Variants in NALF1 observed in about 807,000 individuals in gnomAD.
NALF1 encodes family with sequence similarity 155 member A.
A neutral mutation model predicts 48.4 loss-of-function variants in NALF1; 3 were observed. The ratio of observed to expected loss-of-function variants is 0.06; its 90% confidence interval spans 0.03 to 0.16. NALF1 has a LOEUF of 0.16. Among genes scored for constraint, NALF1 ranks in the 10% least tolerant of loss-of-function variants. The pLI is 1.00. For missense variants in NALF1, 526 were observed against 571.5 expected (o/e 0.92, Z 0.81); for synonymous variants, 262 against 245.7 (o/e 1.07, Z -0.62).
chr13:107,668,504 A>G (rs1396702897), intron 1 of NALF1, among the ~76,000 whole-genome samples: 2 of 152,036 alleles, frequency 1.3e-5, no homozygotes, highest in Non-Finnish European at 2.9e-5. Flanking sequence ...TGCAAGCAGA[A>G]GCTAGTTGGT....
chr13:107,720,651 A>C (rs1368002579), intron 1 of NALF1, among the ~76,000 whole-genome samples: 1 of 152,192 alleles, frequency 6.6e-6, no homozygotes, highest in Non-Finnish European at 1.5e-5. Flanking sequence ...CAATTAGCCA[A>C]ATCAAATAAA....
chr13:107,485,325 C>T (rs1885312653), intron 1 of NALF1, among the ~76,000 whole-genome samples: 1 of 152,142 alleles, frequency 6.6e-6, no homozygotes, highest in Non-Finnish European at 1.5e-5. Flanking sequence ...GCTAGAGCCT[C>T]AGCAACCTCA....
chr13:107,167,692 C>T lies in NALF1; in HGVS notation c.*2805G>A, dbSNP rs897627309. Reference sequence around the variant, plus strand: ...TCCCTCCTTACCGTTCCTTCCTCACCTAAATTATCACTTTATATTTACAAT... The same window carrying T: ...TCCCTCCTTACCGTTCCTTCCTCACTTAAATTATCACTTTATATTTACAAT... On this transcript the variant is annotated 3_prime_UTR_variant, in exon 3 of 3. Coordinates refer to ENST00000375915, the MANE Select transcript of NALF1 (RefSeq NM_001080396.3). 6.6e-6 allele frequency: 1 copy of T among 151,916 alleles called. No homozygotes were observed. Among genetic ancestry groups the T allele is most frequent in the Non-Finnish European group, 1.5e-5 (1 of 68,026 alleles). The allele number at this position is 151,916 out of a possible 1,614,324, so 9.4% of individuals were successfully genotyped here.
intron 1 of NALF1, among the ~76,000 whole-genome samples, chr13:107,486,521 G>C (rs769143933): frequency 6.6e-6 from 1 of 152,124 alleles, no homozygotes; most frequent in Non-Finnish European, 1.5e-5. Flanking sequence ...GAGCAGGTCT[G>C]GATATCAGGG....
intron 1 of NALF1, among the ~76,000 whole-genome samples, chr13:107,434,353 A>G (rs1239196118): frequency 1.3e-5 from 2 of 152,064 alleles, no homozygotes; most frequent in African/African-American, 2.4e-5. Flanking sequence ...TTTCTCAGTA[A>G]GTGAAGTGGG....
intron 1 of NALF1, among the ~76,000 whole-genome samples, chr13:107,615,733 A>G (rs1368233024): frequency 6.6e-6 from 1 of 152,074 alleles, no homozygotes; most frequent in Non-Finnish European, 1.5e-5. Flanking sequence ...TCTTGAATAT[A>G]TTTTCTTTTA....
chr13:107,580,678 C>T lies in NALF1; in HGVS notation c.915+285004G>A, dbSNP rs576311897. Among the ~76,000 whole-genome samples the T allele has an allele frequency of 7.2e-5, 11 of 152,298 alleles. No individual in the cohort carries two copies. In the South Asian group the frequency reaches 2.1e-3, roughly 29 times the overall value. On this transcript the variant is annotated intron_variant, in intron 1 of 2. Coordinates refer to ENST00000375915, the MANE Select transcript of NALF1 (RefSeq NM_001080396.3). ...GTGGCTTTATTTCTTGGGCCTGGCACAGCAAATAATGGATCAAATTAATCA... is the reference window on the plus strand; with the variant it reads ...GTGGCTTTATTTCTTGGGCCTGGCATAGCAAATAATGGATCAAATTAATCA...
At chr13:107,221,958 A>G (rs1187662545) in intron 1 of NALF1, among the ~76,000 whole-genome samples, 5 of 152,202 alleles carry the variant, frequency 3.3e-5, no homozygotes, top group African/African-American at 4.8e-5. Flanking sequence ...CCATAGCTCA[A>G]AGAAAATGCG....
In NALF1 at chr13:107,866,576, C is replaced by A; in HGVS notation, c.21G>T (p.Met7Ile). 1.9e-6 allele frequency: 3 copies of A among 1,609,142 alleles called. No individual in the cohort carries two copies. Among genetic ancestry groups the A allele is most frequent in the Non-Finnish European group, 2.5e-6 (3 of 1,179,322 alleles). The change falls in exon 1 of 3, where the codon ATG becomes ATT. Residue 7 changes from methionine (M) to isoleucine (I), a missense_variant. Coordinates refer to ENST00000375915, the MANE Select transcript of NALF1 (RefSeq NM_001080396.3). This position sits in a 1 kb window ranked among gnomAD's most constrained non-coding sequence, Gnocchi z 4.4. Reference sequence around the variant, plus strand: ...TTAAGCCGTCGTCATACTGCCGACACATCCAAGCACCCCTGGTCATATTTT... The same window carrying A: ...TTAAGCCGTCGTCATACTGCCGACAAATCCAAGCACCCCTGGTCATATTTT... Reference protein sequence around the residue: MTRGAWMCRQYDDGLKI... With the variant: MTRGAWICRQYDDGLKI...
At chr13:107,547,722 A>G (rs939592463) in intron 1 of NALF1, among the ~76,000 whole-genome samples, 2 of 152,184 alleles carry the variant, frequency 1.3e-5, no homozygotes, top group Non-Finnish European at 2.9e-5. Context: ...GCCACATTAG[A>G]GCAACTTCAC....
Position 107,866,869 on chromosome 13 carries a change from C to T in NALF1, c.-273G>A, listed in dbSNP as rs1880751673. On this transcript the variant is annotated 5_prime_UTR_variant, in exon 1 of 3. Coordinates refer to ENST00000375915, the MANE Select transcript of NALF1 (RefSeq NM_001080396.3). This position sits in a 1 kb window ranked among gnomAD's most constrained non-coding sequence, Gnocchi z 4.4. ...ACTTGCTTCCTAATCATCAGCCGAC[C>T]CCATCCTCTGTAGAGTGGGAAACAA... 6 of 502,382 alleles carry T rather than the reference C, an allele frequency of 1.2e-5. No homozygotes were observed. The highest frequency in any genetic ancestry group is 1.0e-3 in the Middle Eastern group (2 of 1,936). 31.1% of individuals were successfully genotyped at this position (502,382 alleles called of 1,614,324 possible).
intron 1 of NALF1, among the ~76,000 whole-genome samples, chr13:107,692,872 T>C (rs1255788080): frequency 3.3e-5 from 5 of 152,206 alleles, no homozygotes; most frequent in Admixed American, 2.6e-4. Flanking sequence ...TTAAATGAAC[T>C]TTAATTTCAG....
intron 1 of NALF1, among the ~76,000 whole-genome samples, chr13:107,555,167 C>G (rs779161595): frequency 6.6e-6 from 1 of 151,984 alleles, no homozygotes; most frequent in Admixed American, 6.6e-5. Context: ...ACCCGAACCA[C>G]GAGAATAGGG....
At chr13:107,582,633 C>A (rs912508131) in intron 1 of NALF1, among the ~76,000 whole-genome samples, 1 of 152,040 alleles carries the variant, frequency 6.6e-6, no homozygotes, top group South Asian at 2.1e-4. Flanking sequence ...CAAATTGTTT[C>A]TTTTCTTAAA....
intron 1 of NALF1, among the ~76,000 whole-genome samples, chr13:107,447,134 G>A (rs1040970477): frequency 2.0e-5 from 3 of 152,134 alleles, no homozygotes; most frequent in South Asian, 2.1e-4. Context: ...GTTAAGGCCG[G>A]AGGGGCCAGC....
At chr13:107,270,443 T>C (rs1040900084) in intron 1 of NALF1, among the ~76,000 whole-genome samples, 2 of 152,210 alleles carry the variant, frequency 1.3e-5, no homozygotes, top group East Asian at 3.9e-4. Flanking sequence ...AGTACTAATA[T>C]GAAGTTAATA....
rs370312582 is a variant in NALF1 at position 107,561,388 on chromosome 13, C to A, written c.915+304294G>T. The stretch of plus-strand genomic sequence containing the variant: ...AAAAGTAAGTTATTTTATAGAACAT[C>A]CTTCACTTTGGGTTTTTCTTATGTT... On this transcript the variant is annotated intron_variant, in intron 1 of 2. Coordinates refer to ENST00000375915, the MANE Select transcript of NALF1 (RefSeq NM_001080396.3). 1.1e-4 allele frequency among the ~76,000 whole-genome samples: 17 copies of A among 152,254 alleles called. No homozygotes were observed. The South Asian group carries it at 3.5e-3, about 32-fold the overall frequency.
chr13:107,477,370 T>G lies in NALF1; in HGVS notation c.916-266615A>C, dbSNP rs147199391. Among the ~76,000 whole-genome samples, 4 of 152,244 alleles carry G rather than the reference T, an allele frequency of 2.6e-5. No homozygotes were observed. The East Asian group carries it at 7.7e-4, about 29-fold the overall frequency. ...AGAACAAATGTTTATTTATCAATAT[T>G]TGCTTCAAGACCCTCACCTCTAGGA... On this transcript the variant is annotated intron_variant, in intron 1 of 2. Transcript: ENST00000375915.
intron 1 of NALF1, among the ~76,000 whole-genome samples, chr13:107,244,683 T>C (rs984781325): frequency 5.3e-5 from 8 of 152,222 alleles, no homozygotes; most frequent in African/African-American, 1.9e-4. Flanking sequence ...ATGAAAACAG[T>C]ATCTCTCTAC....
Sources: gnomAD v4.1 joint callset for allele counts (sites outside exome capture counted in the v4.1 genomes callset) on GRCh38, gnomAD v4.1.1 for gene constraint, Gnocchi (gnomAD v3.1) non-coding constraint, MANE v1.5 for transcripts, NCBI Gene and HGNC (gene_info 2026-07-23, HGNC 2026-07-21) for gene names.